REXO1: variants seen among roughly 807,000 people sequenced by gnomAD.
The protein encoded by REXO1 is RNA exonuclease 1 homolog.
Under a neutral mutation model 102.6 loss-of-function variants are expected in REXO1, and 42 were observed. That is an observed-to-expected ratio of 0.41 (90% CI 0.32 to 0.53). The LOEUF (loss-of-function observed/expected upper bound fraction) is 0.53, where lower values mean the gene tolerates loss of function less well. REXO1 is among the 20% of genes least tolerant of loss of function. The probability of loss-of-function intolerance (pLI) is 0.27; values close to 1 mark genes in which losing one functional copy is unlikely to be tolerated. For missense variants in REXO1, 1,819 were observed against 1,732.5 expected (o/e 1.05, Z -0.89); for synonymous variants, 908 against 779.1 (o/e 1.17, Z -2.76).
At chr19:1,843,722 G>T (rs116838432) in intron 1 of REXO1, among the ~76,000 whole-genome samples, 1 of 152,250 alleles carries the variant, frequency 6.6e-6, no homozygotes, top group Admixed American at 6.5e-5. Context: ...TCCTGGACGC[G>T]GCTCACTGAG....
intron 1 of REXO1, among the ~76,000 whole-genome samples, chr19:1,835,821 C>A (rs1252179403): frequency 6.6e-6 from 1 of 152,132 alleles, no homozygotes; most frequent in East Asian, 1.9e-4. Flanking sequence ...CCCCAGTGGT[C>A]CTGAGAGGCC....
At chr19:1,830,824 A>C (rs1053189327) in intron 1 of REXO1, 7 of 173,168 alleles carry the variant, frequency 4.0e-5, no homozygotes, top group Middle Eastern at 5.5e-4. Context: ...TGCCACAGAC[A>C]GACCGCACAG....
intron 1 of REXO1, among the ~76,000 whole-genome samples, chr19:1,841,083 C>A (rs1427071116): frequency 6.6e-6 from 1 of 152,230 alleles, no homozygotes; most frequent in East Asian, 1.9e-4. Flanking sequence ...ACAGCCAGTG[C>A]ACATGCGGCT....
Position 1,848,398 on chromosome 19 carries a change from G to T in REXO1, c.-40C>A. 1.7e-6 allele frequency: 2 copies of T among 1,175,236 alleles called. No homozygotes were observed. The highest frequency in any genetic ancestry group is 4.2e-5 in the South Asian group (1 of 23,778). 72.8% of individuals were successfully genotyped at this position (1,175,236 alleles called of 1,614,324 possible). A position where few individuals can be genotyped will look rare whatever the true frequency, so the allele number is the denominator to read the frequency against. ...CGGGGCCCCGGCCCGGAGCCGCCCGGGCCCCAGGGCCCCCTCACTGGCGCC... is the reference window on the plus strand; with the variant it reads ...CGGGGCCCCGGCCCGGAGCCGCCCGTGCCCCAGGGCCCCCTCACTGGCGCC... On this transcript the variant is annotated 5_prime_UTR_variant, in exon 1 of 16. Transcript: ENST00000170168.
At position 1,827,263 on chromosome 19, in the gene REXO1, G is replaced by C. The variant is rs753130127; in HGVS notation, c.1526C>G (p.Pro509Arg). 3.8e-6 allele frequency: 6 copies of C among 1,558,784 alleles called. No individual in the cohort carries two copies. In the East Asian group the frequency reaches 1.2e-4, roughly 31 times the overall value. Residue 509 changes from proline (P) to arginine (R), a missense_variant, in exon 2 of 16, where the codon CCC (proline) becomes CGC (arginine). Pro to Arg is a moderately radical substitution (Grantham distance 103). Coordinates refer to ENST00000170168, the MANE Select transcript of REXO1 (RefSeq NM_020695.4). ...SLDEGASQDA[P>R]KLKKRALSHA... ...GCTCAGGGCCCGCTTCTTCAGCTTG[G>C]GGGCGTCCTGGGAGGCGCCCTCGTC...
In REXO1 at chr19:1,823,596, T is replaced by A; in HGVS notation, c.2206A>T (p.Ile736Phe). Residue 736 changes from isoleucine to phenylalanine, a missense_variant, in exon 4 of 16, where the codon ATC becomes TTC. By Grantham distance (21) the Ile-to-Phe change is conservative. Transcript: ENST00000170168. ...CCTGCAGCCAGGCGGGGGTTGGGGA[T>A]GTGGGCGATCCTCCTCTTCTCGCCA... ...APGEKRRIAH[I>F]PNPRLAAAPT... The A allele has an allele frequency of 1.5e-6, 2 of 1,322,234 alleles. No homozygotes were observed. The highest frequency in any genetic ancestry group is 1.9e-6 in the Non-Finnish European group (2 of 1,028,140). The allele number at this position is 1,322,234 out of a possible 1,614,324, so 81.9% of individuals were successfully genotyped here.
chr19:1,829,583 C>T (rs1009061309), intron 1 of REXO1, among the ~76,000 whole-genome samples: 4 of 152,150 alleles, frequency 2.6e-5, no homozygotes, highest in Middle Eastern at 3.4e-3. Context: ...CCAAGGCGGG[C>T]GGATCACCTG....
intron 1 of REXO1, among the ~76,000 whole-genome samples, chr19:1,838,021 A>G (rs2070090918): frequency 6.6e-6 from 1 of 152,162 alleles, no homozygotes; most frequent in Non-Finnish European, 1.5e-5. Flanking sequence ...AACAATGTAG[A>G]AACAGGCTGG....
chr19:1,815,660 C>T lies in REXO1; in HGVS notation c.*406G>A, dbSNP rs920475987. 5 of 1,224,030 alleles carry T rather than the reference C, an allele frequency of 4.1e-6. No homozygotes were observed. The highest frequency in any genetic ancestry group is 4.7e-5 in the East Asian group (1 of 21,348). 75.8% of individuals were successfully genotyped at this position (1,224,030 alleles called of 1,614,324 possible). A position where few individuals can be genotyped will look rare whatever the true frequency, so the allele number is the denominator to read the frequency against. Reference sequence around the variant, plus strand: ...ATTAAAAATAATAAAAATAACAATACAAAATAAAAAAAGACTGTCTCAAAC... The same window carrying T: ...ATTAAAAATAATAAAAATAACAATATAAAATAAAAAAAGACTGTCTCAAAC... On this transcript the variant is annotated 3_prime_UTR_variant, in exon 16 of 16. Transcript: ENST00000170168. The surrounding 1 kb of genome is among the most constrained non-coding windows in gnomAD (Gnocchi z 4.0).
intron 3 of REXO1, chr19:1,824,687 G>A (rs1032825550): frequency 6.6e-5 from 10 of 152,210 alleles, no homozygotes; most frequent in Admixed American, 2.0e-4. Context: ...TTGGGTGGAA[G>A]AACGAATGGG....
rs982397581 is a variant in REXO1, at chr19:1,826,302, T to A, written c.1912-359A>T. ...TCTGTGTGGAGTGAGCTCCCCCTGG[T>A]GGCCAATTTGGGGACACGGGGCCAG... On this transcript the variant is annotated intron_variant, in intron 2 of 15. Coordinates refer to ENST00000170168, the MANE Select transcript of REXO1 (RefSeq NM_020695.4). The surrounding 1 kb of genome is among the most constrained non-coding windows in gnomAD (Gnocchi z 4.3). Among the ~76,000 whole-genome samples, 1 of 151,720 alleles carries A rather than the reference T, an allele frequency of 6.6e-6. No homozygotes were observed. Among genetic ancestry groups the A allele is most frequent in the Non-Finnish European group, 1.5e-5 (1 of 67,924 alleles).
intron 1 of REXO1, among the ~76,000 whole-genome samples, chr19:1,843,269 G>A (rs1381268989): frequency 1.3e-5 from 2 of 151,234 alleles, no homozygotes; most frequent in Non-Finnish European, 3.0e-5. Context: ...CGCCCGGAGG[G>A]TCCCAGCTCC....
chr19:1,831,508 C>T (rs1030780372), intron 1 of REXO1, among the ~76,000 whole-genome samples: 10 of 152,214 alleles, frequency 6.6e-5, no homozygotes, highest in African/African-American at 2.4e-4. Context: ...CCTATGGCCC[C>T]CACCCACACC....
At position 1,815,806 on chromosome 19, in the gene REXO1, G is replaced by A. The variant is rs2069342575; in HGVS notation, c.*260C>T. 1 of 1,498,210 alleles carries A rather than the reference G, an allele frequency of 6.7e-7. No individual in the cohort carries two copies. The highest frequency in any genetic ancestry group is 8.9e-7 in the Non-Finnish European group (1 of 1,125,618). 92.8% of individuals were successfully genotyped at this position (1,498,210 alleles called of 1,614,324 possible). A position where few individuals can be genotyped will look rare whatever the true frequency, so the allele number is the denominator to read the frequency against. ...TGCGGGCCGGGTGGGGGCGGGCTCT[G>A]TCCTGGTCTCCATCAGCAGCAGTTT... On this transcript the variant is annotated 3_prime_UTR_variant, in exon 16 of 16. Coordinates refer to ENST00000170168, the MANE Select transcript of REXO1 (RefSeq NM_020695.4). The surrounding 1 kb of genome is among the most constrained non-coding windows in gnomAD (Gnocchi z 4.0).
intron 1 of REXO1, among the ~76,000 whole-genome samples, chr19:1,846,255 C>A (rs1408293877): frequency 1.3e-5 from 2 of 152,082 alleles, no homozygotes; most frequent in African/African-American, 4.8e-5. Context: ...GGACATGCAT[C>A]CCCCCCTGTC....
intron 1 of REXO1, 93 bp downstream of exon 1, chr19:1,848,108 TG>T: frequency 1.7e-6 from 1 of 600,316 alleles, no homozygotes; most frequent in Non-Finnish European, 2.4e-6. Context: ...GGGAGGAGGC[TG>T]GGCCGAGAAC....
At chr19:1,834,664 C>T (rs551563885) in intron 1 of REXO1, among the ~76,000 whole-genome samples, 16 of 152,308 alleles carry the variant, frequency 1.1e-4, no homozygotes, top group African/African-American at 3.1e-4. Flanking sequence ...GCGGTCTTCT[C>T]GCCTCGGCCT....
chr19:1,834,376 T>G (rs906964328), intron 1 of REXO1, among the ~76,000 whole-genome samples: 13 of 152,096 alleles, frequency 8.5e-5, no homozygotes, highest in Admixed American at 3.9e-4. Context: ...AAGGGTCCAA[T>G]CTGGGGGACG....
intron 1 of REXO1, 72 bp downstream of exon 1, chr19:1,848,130 G>A: frequency 2.6e-6 from 2 of 775,112 alleles, no homozygotes; most frequent in Non-Finnish European, 3.5e-6. Flanking sequence ...GGGGACCCCG[G>A]GCGGGACCGG....
Sources: gnomAD v4.1 joint callset for allele counts (sites outside exome capture counted in the v4.1 genomes callset) on GRCh38, gnomAD v4.1.1 for gene constraint, Gnocchi (gnomAD v3.1) non-coding constraint, MANE v1.5 for transcripts, NCBI Gene and HGNC (gene_info 2026-07-23, HGNC 2026-07-21) for gene names.